CD163L1: variants seen among roughly 807,000 people sequenced by gnomAD.
CD163L1 encodes the protein CD163 molecule like 1.
In CD163L1, 124 loss-of-function variants were observed where a neutral mutation model predicts 165.4. The ratio of observed to expected loss-of-function variants is 0.75; its 90% CI spans 0.65 to 0.87. The LOEUF is 0.87. CD163L1 is among the 40% of genes least tolerant of loss of function. The pLI is 0.00. For missense variants in CD163L1, 1,525 were observed against 1,799.9 expected (o/e 0.85, Z 2.76); for synonymous variants, 585 against 662.2 (o/e 0.88, Z 1.79).
Position 7,398,530 on chromosome 12 carries a change from C to T in CD163L1, c.1463G>A (p.Arg488Lys), listed in dbSNP as rs1430740148. 2 of 1,612,146 alleles carry T rather than the reference C, an allele frequency of 1.2e-6. No homozygotes were observed. The highest frequency in any genetic ancestry group is 2.2e-5 in the South Asian group (2 of 90,722). The change falls in exon 7 of 20, where the codon AGA becomes AAA. Residue 488 changes from arginine to lysine, a missense_variant. Arg to Lys is a conservative substitution (Grantham distance 26, BLOSUM62 2). Transcript: ENST00000313599. This position sits in a 1 kb window ranked among gnomAD's most constrained non-coding sequence, Gnocchi z 4.5. ...CTCTCCTTGGTATTTCACCTCCAAT[C>T]TCCCATAACAGGGGCTATGAGCCCC... Reference protein sequence around the residue: ...LVGAHSPCYGRLEVKYQGEWG... With the variant: ...LVGAHSPCYGKLEVKYQGEWG...
At chr12:7,362,766 C>G (rs758671982) in intron 18 of CD163L1, among the ~76,000 whole-genome samples, 205 of 149,040 alleles carry the variant, frequency 1.4e-3, no homozygotes, top group African/African-American at 4.8e-3. Context: ...TTTGATCCAG[C>G]AATCCTCCTA....
At chr12:7,441,280 A>C in intron 1 of CD163L1, 34 bp from the exon 2 acceptor site, 19 of 1,492,956 alleles carry the variant, frequency 1.3e-5, no homozygotes, top group Non-Finnish European at 1.7e-5. Context: ...GTAGAATTTC[A>C]TGTCTTTCTA....
chr12:7,407,764 T>G (rs895771617), intron 4 of CD163L1, among the ~76,000 whole-genome samples: 1 of 149,164 alleles, frequency 6.7e-6, no homozygotes, highest in African/African-American at 2.5e-5. Flanking sequence ...TATGTGTATA[T>G]ATACACACAC....
intron 8 of CD163L1, among the ~76,000 whole-genome samples, chr12:7,392,820 G>C (rs780000812): frequency 6.6e-6 from 1 of 152,134 alleles, no homozygotes; most frequent in Non-Finnish European, 1.5e-5. Flanking sequence ...AGAAAATCGA[G>C]AAGAAGTGGA....
At chr12:7,361,616 C>T (rs73272409) in intron 18 of CD163L1, among the ~76,000 whole-genome samples, 4,558 of 152,214 alleles carry the variant, frequency 0.03, 242 homozygotes, top group African/African-American at 0.1. Flanking sequence ...CCCGTATTCC[C>T]TGGATTTCCC....
At chr12:7,409,102 A>G (rs1287522464) in intron 4 of CD163L1, among the ~76,000 whole-genome samples, 1 of 152,190 alleles carries the variant, frequency 6.6e-6, no homozygotes, top group Non-Finnish European at 1.5e-5. Context: ...CCAAGAAGAG[A>G]TTATCACAGT....
chr12:7,360,585 T>C (rs1204491208), intron 18 of CD163L1, among the ~76,000 whole-genome samples: 1 of 152,204 alleles, frequency 6.6e-6, no homozygotes, highest in Non-Finnish European at 1.5e-5. Flanking sequence ...CTTTCTGTTG[T>C]TGAGGCAATC....
intron 8 of CD163L1, among the ~76,000 whole-genome samples, chr12:7,387,373 T>C (rs1269667445): frequency 6.6e-6 from 1 of 152,216 alleles, no homozygotes; most frequent in Non-Finnish European, 1.5e-5. Context: ...TGCTTTTTGA[T>C]TGGAAGAATT....
At chr12:7,415,772 T>A (rs1464746965) in intron 4 of CD163L1, among the ~76,000 whole-genome samples, 1 of 152,198 alleles carries the variant, frequency 6.6e-6, no homozygotes, top group Non-Finnish European at 1.5e-5. Flanking sequence ...GTTTTTTGGC[T>A]ACATAGTATT....
At chr12:7,365,203 C>G (rs1946987582) in intron 18 of CD163L1, among the ~76,000 whole-genome samples, 1 of 152,074 alleles carries the variant, frequency 6.6e-6, no homozygotes, top group African/African-American at 2.4e-5. Context: ...ACTGGGAAAA[C>G]TGGATAACCA....
chr12:7,378,512 T>TTA (rs1947318273), intron 9 of CD163L1, among the ~76,000 whole-genome samples: 1 of 152,356 alleles, frequency 6.6e-6, no homozygotes, highest in African/African-American at 2.4e-5. Flanking sequence ...GACTTTATTA[T>TTA]AAGTTTTCCC....
At chr12:7,385,848 C>T (rs1249246784) in intron 8 of CD163L1, among the ~76,000 whole-genome samples, 1 of 151,692 alleles carries the variant, frequency 6.6e-6, no homozygotes, top group Non-Finnish European at 1.5e-5. Flanking sequence ...CTATGGGATA[C>T]ACCAATAGCA....
chr12:7,351,234 C>A (rs1011092788), downstream of CD163L1, among the ~76,000 whole-genome samples: 7 of 152,034 alleles, frequency 4.6e-5, no homozygotes, highest in African/African-American at 1.7e-4. Context: ...TGTGTGCATG[C>A]ATGTGTATGT....
intron 8 of CD163L1, among the ~76,000 whole-genome samples, chr12:7,380,314 C>T (rs1018354372): frequency 1.8e-4 from 26 of 145,852 alleles, no homozygotes; most frequent in African/African-American, 6.2e-4. Flanking sequence ...TACACATATA[C>T]ATACATATAT....
chr12:7,393,045 A>G (rs1440832213), intron 8 of CD163L1, among the ~76,000 whole-genome samples: 1 of 152,226 alleles, frequency 6.6e-6, no homozygotes, highest in Non-Finnish European at 1.5e-5. Flanking sequence ...CAACAGAAAA[A>G]AAAGGAATCC....
At position 7,375,907 on chromosome 12, in the gene CD163L1, G is replaced by T. The variant is rs1050469818; in HGVS notation, c.2479C>A (p.His827Asn). The change falls in exon 10 of 20, where the codon CAT becomes AAT. Residue 827 changes from histidine (H) to asparagine (N), a missense_variant. By Grantham distance (68) the His-to-Asn change is moderately conservative. Coordinates refer to ENST00000313599, the MANE Select transcript of CD163L1 (RefSeq NM_174941.6). ...TCTCTGCACAGCACATTGGCAGCATGAAGAGAGAAATCAGAATCACAGACA... is the reference window on the plus strand; with the variant it reads ...TCTCTGCACAGCACATTGGCAGCATTAAGAGAGAAATCAGAATCACAGACA... ...RSVCDSDFSL[H>N]AANVLCRELN... The T allele has an allele frequency of 6.2e-7, 1 of 1,614,214 alleles. No individual in the cohort carries two copies. The highest frequency in any genetic ancestry group is 1.7e-5 in the Admixed American group (1 of 60,026).
In CD163L1 at chr12:7,398,308, T is replaced by C. The variant is rs754233457; in HGVS notation, c.1685A>G (p.Lys562Arg). ...ATCCTCTCTGTGTACACAATTATGCTTTCCCCATCCACTGTGTTCACAGTC... is the reference window on the plus strand; with the variant it reads ...ATCCTCTCTGTGTACACAATTATGCCTTCCCCATCCACTGTGTTCACAGTC... ...IWDCEHSGWG[K>R]HNCVHREDVI... Residue 562 changes from lysine to arginine, a missense_variant, in exon 7 of 20, where the codon AAG becomes AGG. Coordinates refer to ENST00000313599, the MANE Select transcript of CD163L1 (RefSeq NM_174941.6). This position sits in a 1 kb window ranked among gnomAD's most constrained non-coding sequence, Gnocchi z 4.5. 23 of 1,614,168 alleles carry C rather than the reference T, an allele frequency of 1.4e-5. No homozygotes were observed. In the South Asian group the frequency reaches 2.5e-4, roughly 18 times the overall value.
intron 14 of CD163L1, among the ~76,000 whole-genome samples, chr12:7,370,404 G>GT (rs1947120938): frequency 1.3e-5 from 2 of 152,072 alleles, no homozygotes; most frequent in Admixed American, 1.3e-4. Context: ...TTTGTTAAAT[G>GT]TTTTTTCATA....
rs367598769 is a variant in CD163L1, at chr12:7,369,369, C to T, written c.4027G>A (p.Val1343Met). The T allele has an allele frequency of 1.9e-5, 30 of 1,613,926 alleles. No homozygotes were observed. Among genetic ancestry groups the T allele is most frequent in the East Asian group, 2.2e-5 (1 of 44,884 alleles). ...TTTTCACACTTACCAGAGCACCTCA[C>T]GCCAGCATCTTCCTTGTGTCCACAG... ...SDCGHKEDAG[V>M]RCSGQSLKSL... The change falls in exon 15 of 20, where the codon GTG (valine) becomes ATG (methionine). Residue 1343 changes from valine to methionine, a missense_variant. Coordinates refer to ENST00000313599, the MANE Select transcript of CD163L1 (RefSeq NM_174941.6). The surrounding 1 kb of genome is among the most constrained non-coding windows in gnomAD (Gnocchi z 4.9).
Sources: allele counts gnomAD v4.1 joint callset (sites outside exome capture counted in the v4.1 genomes callset), GRCh38; gene constraint gnomAD v4.1.1; non-coding constraint Gnocchi (gnomAD v3.1); transcripts MANE v1.5; gene names NCBI Gene and HGNC (gene_info 2026-07-23, HGNC 2026-07-21).